RACGAP1: variants seen among roughly 807,000 people sequenced by gnomAD.
The protein encoded by RACGAP1 is rac GTPase-activating protein 1.
In RACGAP1, 30 loss-of-function variants were observed where a neutral mutation model predicts 78.1. That is an observed-to-expected ratio of 0.38 (90% confidence interval 0.29 to 0.52). The LOEUF is 0.52. RACGAP1 is among the 20% of genes least tolerant of loss of function. RACGAP1 has a pLI of 0.82. For missense variants in RACGAP1, 587 were observed against 777.1 expected (o/e 0.76, Z 2.91); for synonymous variants, 231 against 264.8 (o/e 0.87, Z 1.24).
chr12:50,028,484 T>C (rs556026376), upstream of RACGAP1, among the ~76,000 whole-genome samples: 8 of 152,354 alleles, frequency 5.3e-5, no homozygotes, highest in South Asian at 1.7e-3. Context: ...AAAATGCAAT[T>C]ATGGCTGGGC....
intron 2 of RACGAP1, among the ~76,000 whole-genome samples, chr12:50,008,058 G>C (rs1315540718): frequency 1.4e-5 from 2 of 145,760 alleles, no homozygotes; most frequent in Non-Finnish European, 3.0e-5. Flanking sequence ...TGTTCTTTAG[G>C]ATACTCCTTT....
intron 9 of RACGAP1, among the ~76,000 whole-genome samples, chr12:49,998,682 T>C (rs1261822573): frequency 2.0e-5 from 3 of 152,102 alleles, no homozygotes; most frequent in Non-Finnish European, 2.9e-5. Flanking sequence ...GGGGAGCACT[T>C]GAGCCCAGGA....
chr12:49,999,042 A>C (rs1443019622), intron 9 of RACGAP1, 99 bp downstream of exon 9: 1 of 1,345,816 alleles, frequency 7.4e-7, no homozygotes, highest in Non-Finnish European at 9.7e-7. Context: ...AGGAAATTTG[A>C]CATTTAACTT....
At chr12:50,017,218 A>T (rs1949728632) in intron 1 of RACGAP1, 1 of 384,170 alleles carries the variant, frequency 2.6e-6, no homozygotes, top group African/African-American at 2.2e-5. Flanking sequence ...CCAAAAGCAC[A>T]GATGACGTCA....
At chr12:49,991,869 T>A in intron 15 of RACGAP1, 129 bp downstream of exon 15, 4 of 1,526,086 alleles carry the variant, frequency 2.6e-6, no homozygotes, top group Non-Finnish European at 2.6e-6. Flanking sequence ...AAAATTACGA[T>A]GGTAGAATTA....
chr12:50,020,404 G>A (rs623878), intron 1 of RACGAP1, among the ~76,000 whole-genome samples: 100,862 of 151,358 alleles, frequency 0.67, 40,807 homozygotes, highest in Non-Finnish European at 0.89. Flanking sequence ...GGCTGGTCTC[G>A]AACTCCTGAC....
chr12:50,033,377 G>A (rs1014432252), upstream of RACGAP1, among the ~76,000 whole-genome samples: 1 of 152,072 alleles, frequency 6.6e-6, no homozygotes, highest in African/African-American at 2.4e-5. Flanking sequence ...CTCTGGCTGG[G>A]ACTCAAGACT....
intron 2 of RACGAP1, among the ~76,000 whole-genome samples, chr12:50,013,523 G>A (rs1949478131): frequency 6.6e-6 from 1 of 151,982 alleles, no homozygotes; most frequent in Admixed American, 6.6e-5. Context: ...TCCAGTTAGG[G>A]CTGTTATTGC....
rs34663027 is a variant in RACGAP1, at chr12:49,993,746, T to TAA, written c.1339+383_1339+384dup. Among the ~76,000 whole-genome samples the TAA allele has an allele frequency of 3.3e-3, 432 of 130,584 alleles. 3 individuals are homozygous for TAA. Among genetic ancestry groups the TAA allele is most frequent in the African/African-American group, 5.2e-3 (168 of 32,416 alleles). The allele number at this position is 130,584 out of a possible 152,430, so 85.7% of individuals were successfully genotyped here. ...TGGGCGACAGAGAAAGACTCCGTCTTAAAAAAAAAAAAAAAAGAGGCTGGG... is the reference window on the plus strand; with the variant it reads ...TGGGCGACAGAGAAAGACTCCGTCTTAAAAAAAAAAAAAAAAAAGAGGCTGGG... On this transcript the variant is annotated intron_variant, in intron 12 of 16. Coordinates refer to ENST00000312377, the MANE Select transcript of RACGAP1 (RefSeq NM_001319999.2).
Position 50,005,282 on chromosome 12 carries a change from T to C in RACGAP1, c.399A>G (p.Pro133=), listed in dbSNP as rs761771003. The change falls in exon 4 of 17, where the codon CCA becomes CCG. Residue 133 remains proline (P), a synonymous_variant. Coordinates refer to ENST00000312377, the MANE Select transcript of RACGAP1 (RefSeq NM_001319999.2). ...TTTTGTTCCCAGCATTGCTGCTGGA[T>C]GGTTGGCCTCTGTTGAGAAAAGCCA... ...SALAFLNRGQ[P]SSSNAGNKRL... 4 of 1,614,216 alleles carry C rather than the reference T, an allele frequency of 2.5e-6. No homozygotes were observed. In the Admixed American group the frequency reaches 5.0e-5, roughly 20 times the overall value.
At chr12:50,001,071 C>G in intron 7 of RACGAP1, 101 bp downstream of exon 7, 1 of 1,001,310 alleles carries the variant, frequency 1.0e-6, no homozygotes. Flanking sequence ...AAAACTTTAA[C>G]TAAACATCAT....
chr12:50,020,186 CT>C (rs1949927090), intron 1 of RACGAP1, among the ~76,000 whole-genome samples: 2 of 151,942 alleles, frequency 1.3e-5, no homozygotes, highest in South Asian at 4.2e-4. Flanking sequence ...GTGAATTTGA[CT>C]TTTTTTCTGA....
In RACGAP1 at chr12:50,014,860, T is replaced by C. The variant is rs534469297; in HGVS notation, c.85+1771A>G. 9.0e-4 allele frequency among the ~76,000 whole-genome samples: 137 copies of C among 151,384 alleles called. 1 individual carries two copies. The highest frequency in any genetic ancestry group is 1.7e-3 in the Non-Finnish European group (113 of 67,838). On this transcript the variant is annotated intron_variant, in intron 2 of 16. Transcript: ENST00000312377. ...GAGTTCAAGATCAGCCTGGCCAACA[T>C]GACAAAACCCCATCTCTACTAAAAA...
At chr12:50,021,062 C>T (rs1949980396) in intron 1 of RACGAP1, 5 of 961,596 alleles carry the variant, frequency 5.2e-6, no homozygotes, top group Non-Finnish European at 6.2e-6. Flanking sequence ...ATTTACTCAC[C>T]CTATTCAACG....
intron 10 of RACGAP1, among the ~76,000 whole-genome samples, chr12:49,995,868 T>G (rs1370285623): frequency 6.6e-6 from 1 of 152,182 alleles, no homozygotes; most frequent in Non-Finnish European, 1.5e-5. Context: ...CAACTTCATT[T>G]TGATAACCTA....
At chr12:50,008,012 A>G (rs532407193) in intron 2 of RACGAP1, among the ~76,000 whole-genome samples, 29 of 151,664 alleles carry the variant, frequency 1.9e-4, no homozygotes, top group African/African-American at 7.0e-4. Context: ...TTGAGAATAA[A>G]AAGATTTTCA....
At chr12:50,018,790 AG>A (rs945251825) in intron 1 of RACGAP1, among the ~76,000 whole-genome samples, 3 of 151,716 alleles carry the variant, frequency 2.0e-5, no homozygotes, top group African/African-American at 2.4e-5. Flanking sequence ...AAGCTTTTTT[AG>A]GGGGGGTTTT....
upstream of RACGAP1, chr12:50,025,592 A>G (rs1452074370): frequency 2.1e-6 from 2 of 963,310 alleles, no homozygotes; most frequent in East Asian, 1.1e-4. Context: ...GGGAACGGGA[A>G]TGAGCATGCG....
At chr12:50,000,305 G>C (rs1001879805) in intron 7 of RACGAP1, among the ~76,000 whole-genome samples, 3 of 151,922 alleles carry the variant, frequency 2.0e-5, no homozygotes, top group African/African-American at 7.2e-5. Context: ...GAGCCACCGC[G>C]CCTGGCCGAC....
Sources: gnomAD v4.1 joint callset for allele counts (sites outside exome capture counted in the v4.1 genomes callset) on GRCh38, gnomAD v4.1.1 for gene constraint, MANE v1.5 for transcripts, NCBI Gene and HGNC (gene_info 2026-07-23, HGNC 2026-07-21) for gene names.